Variants in NAV3 observed in about 807,000 individuals in gnomAD.
The protein encoded by NAV3 is pore membrane and/or filament interacting like protein 1.
NAV3 carries 87 observed loss-of-function variants against 244.7 expected under a neutral mutation model. The observed-to-expected ratio is 0.36, with a 90% CI of 0.30 to 0.42. The LOEUF (loss-of-function observed/expected upper bound fraction) is 0.42, where lower values mean the gene tolerates loss of function less well. Ranked by LOEUF, NAV3 falls within the 20% of genes least tolerant of loss-of-function variation. NAV3 has a pLI of 1.00. For synonymous variants in NAV3, 1,126 were observed against 1,042.2 expected, an observed-to-expected ratio of 1.08 and a Z score of -1.55; for missense variants, 2,663 against 2,893.3, an observed-to-expected ratio of 0.92 and a Z score of 1.83.
At chr12:78,084,965 A>G (rs1289495485) in intron 12 of NAV3, among the ~76,000 whole-genome samples, 2 of 152,142 alleles carry the variant, frequency 1.3e-5, no homozygotes, top group African/African-American at 4.8e-5. Context: ...TCACTTCAAG[A>G]AGAGTCATCT....
chr12:78,032,808 T>G (rs1329575785), intron 9 of NAV3, among the ~76,000 whole-genome samples: 3 of 152,196 alleles, frequency 2.0e-5, no homozygotes, highest in Non-Finnish European at 4.4e-5. Flanking sequence ...ATCCCTTTCA[T>G]CATCTTCCAA....
At position 77,879,974 on chromosome 12, in the gene NAV3, T is replaced by C. The variant is rs562018321; in HGVS notation, c.243+48270T>C. ...TCTCTACTCTCATTTTCCTTATTCA[T>C]GCATAATCCTGATAATCCCTGCCTT... On this transcript the variant is annotated intron_variant, in intron 1 of 39. Transcript: ENST00000397909. Among the ~76,000 whole-genome samples the C allele has an allele frequency of 3.9e-5, 6 of 152,294 alleles. No individual in the cohort carries two copies. The East Asian group carries it at 1.2e-3, about 29-fold the overall frequency.
At chr12:78,066,737 A>T (rs1231739335) in intron 12 of NAV3, among the ~76,000 whole-genome samples, 1 of 152,080 alleles carries the variant, frequency 6.6e-6, no homozygotes, top group Non-Finnish European at 1.5e-5. Flanking sequence ...CATAGAAATT[A>T]TTTTTGTATT....
intron 6 of NAV3, among the ~76,000 whole-genome samples, chr12:77,996,424 A>G (rs1032021518): frequency 8.5e-5 from 13 of 152,344 alleles, no homozygotes; most frequent in African/African-American, 3.1e-4. Context: ...ACTTTGTATG[A>G]CACAATGTCC....
intron 2 of NAV3, among the ~76,000 whole-genome samples, chr12:77,812,261 AC>A (rs1260627882): frequency 6.6e-6 from 1 of 152,148 alleles, no homozygotes; most frequent in Non-Finnish European, 1.5e-5. Context: ...TCTGATGGAA[AC>A]CCAATTAATG....
intron 2 of NAV3, among the ~76,000 whole-genome samples, chr12:77,663,312 C>T (rs1174658787): frequency 6.6e-6 from 1 of 151,984 alleles, no homozygotes; most frequent in Non-Finnish European, 1.5e-5. Flanking sequence ...TGAAAACATC[C>T]CTCGCTTTTT....
At chr12:77,896,908 G>A (rs1469186763) in intron 1 of NAV3, among the ~76,000 whole-genome samples, 1 of 151,898 alleles carries the variant, frequency 6.6e-6, no homozygotes, top group African/African-American at 2.4e-5. Flanking sequence ...GCCTGTGGGA[G>A]GTAGATGAAC....
chr12:78,109,661 T>C (rs534133740), intron 12 of NAV3, among the ~76,000 whole-genome samples: 11 of 152,036 alleles, frequency 7.2e-5, no homozygotes, highest in Middle Eastern at 3.4e-3. Flanking sequence ...TCAATAAACA[T>C]GATAAGCATC....
chr12:78,105,071 A>T (rs1954733925), intron 12 of NAV3, among the ~76,000 whole-genome samples: 1 of 152,166 alleles, frequency 6.6e-6, no homozygotes, highest in Non-Finnish European at 1.5e-5. Flanking sequence ...TTTGATACAT[A>T]TTGCCAAATA....
chr12:77,738,231 A>T (rs1868260327), intron 2 of NAV3, among the ~76,000 whole-genome samples: 1 of 152,170 alleles, frequency 6.6e-6, no homozygotes, highest in Admixed American at 6.5e-5. Context: ...CTTCCATCTT[A>T]TCATCTCTTT....
In NAV3 at chr12:77,811,917, A is replaced by G. The variant is rs574636054; in HGVS notation, c.73-128402A>G. Among the ~76,000 whole-genome samples the G allele has an allele frequency of 3.3e-5, 5 of 152,354 alleles. No homozygotes were observed. The South Asian group carries it at 1.0e-3, about 32-fold the overall frequency. ...CCAACTCAAACTAGTTCCCATTTTT[A>G]TCACCTTAAAAGGTAACCTGCTATC... is the stretch of plus-strand genomic sequence containing the variant. On this transcript the variant is annotated intron_variant, in intron 2 of 8. Coordinates refer to the NAV3 transcript ENST00000550042.
chr12:77,761,140 C>A (rs1869441215), intron 2 of NAV3, among the ~76,000 whole-genome samples: 2 of 152,152 alleles, frequency 1.3e-5, no homozygotes, highest in African/African-American at 4.8e-5. Flanking sequence ...CTCACTGCAA[C>A]CTCCGCCTCC....
At chr12:77,977,740 A>ACACACACACT (rs386377075) in intron 5 of NAV3, among the ~76,000 whole-genome samples, 7 of 145,600 alleles carry the variant, frequency 4.8e-5, no homozygotes, top group Admixed American at 3.5e-4. Context: ...ACACACACAC[A>ACACACACACT]CTCTCTTCAG....
intron 9 of NAV3, among the ~76,000 whole-genome samples, chr12:78,035,509 TTC>T (rs1363846820): frequency 2.0e-5 from 3 of 152,212 alleles, no homozygotes; most frequent in African/African-American, 7.2e-5. Flanking sequence ...TCTTTAGGTT[TTC>T]TGTTTTTATG....
chr12:77,835,220 G>A (rs573105014), intron 1 of NAV3, among the ~76,000 whole-genome samples: 4 of 152,238 alleles, frequency 2.6e-5, no homozygotes, highest in Admixed American at 1.3e-4. Context: ...CACTGGCCTC[G>A]TTATAGTTCC....
intron 21 of NAV3, 132 bp from the exon 22 acceptor site, chr12:78,148,710 A>ATT: frequency 1.4e-6 from 1 of 697,856 alleles, no homozygotes; most frequent in South Asian, 1.9e-5. Context: ...CATATCCTTT[A>ATT]TTTTCAGGAG....
At chr12:78,150,631 T>TCACACACACACACA (rs34534100) in intron 22 of NAV3, among the ~76,000 whole-genome samples, 2 of 144,224 alleles carry the variant, frequency 1.4e-5, no homozygotes, top group Non-Finnish European at 3.0e-5. Flanking sequence ...AAAAGCTTCC[T>TCACACACACACACA]CACACACACA....
At chr12:78,125,171 A>G (rs1386110356) in intron 16 of NAV3, among the ~76,000 whole-genome samples, 4 of 152,272 alleles carry the variant, frequency 2.6e-5, no homozygotes, top group Admixed American at 6.5e-5. Flanking sequence ...AGAAATGCTA[A>G]GAAAACCAAA....
intron 2 of NAV3, among the ~76,000 whole-genome samples, chr12:77,813,402 G>A (rs116850353): frequency 2.6e-5 from 4 of 152,244 alleles, no homozygotes; most frequent in African/African-American, 7.2e-5. Flanking sequence ...GAGTCAAATT[G>A]CTTTTCCAGG....
Sources: gnomAD v4.1 joint callset for allele counts (sites outside exome capture counted in the v4.1 genomes callset) on GRCh38, gnomAD v4.1.1 for gene constraint, MANE v1.5 for transcripts, NCBI Gene and HGNC (gene_info 2026-07-23, HGNC 2026-07-21) for gene names.